MKLN1: variants seen among roughly 807,000 people sequenced by gnomAD.
The protein encoded by MKLN1 is muskelin 1.
In MKLN1, 18 loss-of-function variants were observed where a neutral mutation model predicts 99.0. The observed-to-expected ratio is 0.18, with a 90% CI of 0.13 to 0.27. The LOEUF (loss-of-function observed/expected upper bound fraction) is 0.27, where lower values mean the gene tolerates loss of function less well. Among genes scored for constraint, MKLN1 ranks in the 10% least tolerant of loss-of-function variants. MKLN1 has a pLI of 1.00. For synonymous variants in MKLN1, 288 were observed against 293.2 expected (o/e 0.98, Z 0.18); for missense variants, 621 against 875.9 (o/e 0.71, Z 3.67).
chr7:131,166,236 T>A (rs931813249), intron 2 of MKLN1, among the ~76,000 whole-genome samples: 1 of 152,198 alleles, frequency 6.6e-6, no homozygotes, highest in Non-Finnish European at 1.5e-5. Context: ...AAAAGATTAC[T>A]ATGGTTTTGA....
intron 3 of MKLN1, among the ~76,000 whole-genome samples, chr7:131,311,752 A>G (rs975122174): frequency 1.3e-5 from 2 of 152,194 alleles, no homozygotes; most frequent in Non-Finnish European, 2.9e-5. Context: ...ACTCTTTGAT[A>G]GAGAGTAAAC....
At chr7:131,388,037 G>C (rs1310562872) in intron 3 of MKLN1, among the ~76,000 whole-genome samples, 1 of 152,084 alleles carries the variant, frequency 6.6e-6, no homozygotes, top group African/African-American at 2.4e-5. Flanking sequence ...CATGGTAGCG[G>C]ACGACTGTAG....
rs1482194241 is a variant in MKLN1 at position 131,186,598 on chromosome 7, C to CTTA, written c.-296-16258_-296-16256dup. 3.3e-5 allele frequency among the ~76,000 whole-genome samples: 5 copies of CTTA among 152,154 alleles called. No homozygotes were observed. In the East Asian group the frequency reaches 9.6e-4, roughly 29 times the overall value. ...ACATGCAGTAGGTTCCCTCAGTGGG[C>CTTA]TTACGGTCTGTTTTATTACTTTACT... is the stretch of plus-strand genomic sequence containing the variant. On this transcript the variant is annotated intron_variant, in intron 2 of 7. Coordinates refer to the MKLN1 transcript ENST00000416992.
chr7:131,343,660 T>A (rs1411843413), intron 1 of MKLN1, among the ~76,000 whole-genome samples: 1 of 152,218 alleles, frequency 6.6e-6, no homozygotes, highest in Non-Finnish European at 1.5e-5. Context: ...GGGGATGTAC[T>A]ACTCTGTAAA....
intron 2 of MKLN1, among the ~76,000 whole-genome samples, chr7:131,201,420 A>G (rs371833563): frequency 5.3e-5 from 8 of 152,234 alleles, no homozygotes; most frequent in African/African-American, 1.7e-4. Context: ...TTTGAATGCT[A>G]TAATATAAAA....
At chr7:131,251,121 G>GTGTGTGTGTGTGTGTGTGTGTA (rs143561333) in intron 3 of MKLN1, among the ~76,000 whole-genome samples, 1 of 147,966 alleles carries the variant, frequency 6.8e-6, no homozygotes, top group African/African-American at 2.5e-5. Flanking sequence ...GTGTGTGTGT[G>GTGTGTGTGTGTGTGTGTGTGTA]TGTGTACCAT....
chr7:131,332,633 G>T (rs2116698871), intron 1 of MKLN1, among the ~76,000 whole-genome samples: 1 of 151,736 alleles, frequency 6.6e-6, no homozygotes, highest in East Asian at 1.9e-4. Context: ...TATCATTCCA[G>T]ATCTTTTACT....
chr7:131,398,651 G>A (rs910406914), intron 5 of MKLN1, among the ~76,000 whole-genome samples: 3 of 151,412 alleles, frequency 2.0e-5, no homozygotes, highest in African/African-American at 4.9e-5. Context: ...AGATTATGCC[G>A]CTACAGTCCA....
Position 131,487,001 on chromosome 7 carries a change from AT to A in MKLN1, c.2087-605del, listed in dbSNP as rs1797299685. Among the ~76,000 whole-genome samples, 1 of 152,148 alleles carries A rather than the reference AT, an allele frequency of 6.6e-6. No homozygotes were observed. Among genetic ancestry groups the A allele is most frequent in the Non-Finnish European group, 1.5e-5 (1 of 68,004 alleles). The stretch of plus-strand genomic sequence containing the variant: ...GCCTGGTACATAGTAGCATAAAGGT[AT>A]AGTGTTATGTGCAGATACCATTCTG... On this transcript the variant is annotated intron_variant, in intron 17 of 17. Transcript: ENST00000352689. The surrounding 1 kb of genome is among the most constrained non-coding windows in gnomAD (Gnocchi z 4.7).
chr7:131,236,709 G>C (rs944363616), intron 3 of MKLN1, among the ~76,000 whole-genome samples: 14 of 152,136 alleles, frequency 9.2e-5, no homozygotes, highest in Non-Finnish European at 1.3e-4. Context: ...GGGTGTGATG[G>C]TGCAGTGGCT....
At position 131,422,749 on chromosome 7, in the gene MKLN1, T is replaced by C. The variant is rs998587265; in HGVS notation, c.848-6284T>C. On this transcript the variant is annotated intron_variant, in intron 8 of 17. Coordinates refer to ENST00000352689, the MANE Select transcript of MKLN1 (RefSeq NM_013255.5). ...TTTTTAGTCTGTAGGGTTTTTTTTT[T>C]CCCATATTGCTGTCTTCTCTAAGGA... 5.2e-4 allele frequency among the ~76,000 whole-genome samples: 79 copies of C among 152,064 alleles called. 1 individual carries two copies. Among genetic ancestry groups the C allele is most frequent in the Non-Finnish European group, 2.6e-4 (18 of 68,012 alleles).
chr7:131,180,490 G>C (rs969627026), intron 2 of MKLN1, among the ~76,000 whole-genome samples: 9 of 152,244 alleles, frequency 5.9e-5, no homozygotes, highest in African/African-American at 1.7e-4. Flanking sequence ...CCTGAGGTCA[G>C]GAGTTCGAGA....
chr7:131,319,624 G>A (rs1370788022), intron 3 of MKLN1, among the ~76,000 whole-genome samples: 5 of 152,120 alleles, frequency 3.3e-5, no homozygotes, highest in Admixed American at 3.3e-4. Flanking sequence ...GAAATAAAGG[G>A]TATTCAAATA....
chr7:131,415,024 A>C (rs1367572431), intron 8 of MKLN1, among the ~76,000 whole-genome samples: 2 of 152,140 alleles, frequency 1.3e-5, no homozygotes, highest in South Asian at 2.1e-4. Flanking sequence ...GCAGATATCA[A>C]ATTAGGCAGC....
chr7:131,284,188 C>T (rs1798100369), intron 3 of MKLN1, among the ~76,000 whole-genome samples: 2 of 152,200 alleles, frequency 1.3e-5, no homozygotes, highest in Admixed American at 1.3e-4. Flanking sequence ...TCCGACTTGA[C>T]TAGATTGCCT....
At chr7:131,449,163 C>T (rs923613610) in intron 12 of MKLN1, among the ~76,000 whole-genome samples, 2 of 152,036 alleles carry the variant, frequency 1.3e-5, no homozygotes, top group Admixed American at 1.3e-4. Flanking sequence ...TAGGAAGAAC[C>T]ATGTGAAGAA....
rs796102760 is a variant in MKLN1, at chr7:131,173,968, C to CTTTTT, written c.-296-28888_-296-28884dup. On this transcript the variant is annotated intron_variant, in intron 2 of 7. Transcript: ENST00000416992. ...TTCTCCAGAGTTTAAAGACCTTTTTCTTTTTCTTTTTTTTTTTTTTTTGAG... is the reference window on the plus strand; with the variant it reads ...TTCTCCAGAGTTTAAAGACCTTTTTCTTTTTTTTTTCTTTTTTTTTTTTTTTTGAG... 6.8e-3 allele frequency among the ~76,000 whole-genome samples: 805 copies of CTTTTT among 118,482 alleles called. 55 individuals are homozygous for CTTTTT. Among genetic ancestry groups the CTTTTT allele is most frequent in the African/African-American group, 0.023 (738 of 32,732 alleles). The allele number at this position is 118,482 out of a possible 152,430, so 77.7% of individuals were successfully genotyped here. A position where few individuals can be genotyped will look rare whatever the true frequency, so the allele number is the denominator to read the frequency against.
At chr7:131,230,834 C>G (rs570347209) in intron 3 of MKLN1, among the ~76,000 whole-genome samples, 70 of 151,978 alleles carry the variant, frequency 4.6e-4, no homozygotes, top group African/African-American at 1.7e-3. Flanking sequence ...TTATATGTCT[C>G]TTTTGGCCGG....
chr7:131,311,589 CT>C (rs1798564877), intron 3 of MKLN1, among the ~76,000 whole-genome samples: 1 of 152,112 alleles, frequency 6.6e-6, no homozygotes. Context: ...TTGGAAAATA[CT>C]TAATTTTAGA....
Sources: gnomAD v4.1 joint callset for allele counts (sites outside exome capture counted in the v4.1 genomes callset) on GRCh38, gnomAD v4.1.1 for gene constraint, Gnocchi (gnomAD v3.1) non-coding constraint, MANE v1.5 for transcripts, NCBI Gene and HGNC (gene_info 2026-07-23, HGNC 2026-07-21) for gene names.